Variants in TTC27 observed in about 807,000 individuals in gnomAD.
TTC27 encodes tetratricopeptide repeat domain 27.
Under a neutral mutation model 115.9 loss-of-function variants are expected in TTC27, and 79 were observed. The ratio of observed to expected loss-of-function variants is 0.68; its 90% CI spans 0.57 to 0.82. The LOEUF (loss-of-function observed/expected upper bound fraction) is 0.82. TTC27 is among the 40% of genes least tolerant of loss of function. The probability of loss-of-function intolerance (pLI) is 0.00; values close to 1 mark genes in which losing one functional copy is unlikely to be tolerated. For missense variants in TTC27, 1,054 were observed against 993.1 expected (o/e 1.06, Z -0.82); for synonymous variants, 401 against 356.0 (o/e 1.13, Z -1.42).
At chr2:32,811,331 G>C in intron 17 of TTC27, 110 bp downstream of exon 17, 2 of 1,029,476 alleles carry the variant, frequency 1.9e-6, no homozygotes, top group South Asian at 1.6e-5. Context: ...GATAAGATTA[G>C]TATGCTTAAG....
intron 8 of TTC27, among the ~76,000 whole-genome samples, chr2:32,676,190 A>T (rs1438270365): frequency 6.6e-6 from 1 of 151,782 alleles, no homozygotes; most frequent in African/African-American, 2.4e-5. Context: ...CTCCTGCTTG[A>T]GTTGGATTTT....
chr2:32,774,223 C>G (rs897643540), intron 13 of TTC27, among the ~76,000 whole-genome samples: 38 of 149,896 alleles, frequency 2.5e-4, no homozygotes, highest in African/African-American at 9.1e-4. Flanking sequence ...ATTTTTTAGC[C>G]CAGGCCAGAG....
intron 15 of TTC27, among the ~76,000 whole-genome samples, chr2:32,785,133 T>C (rs927713372): frequency 6.6e-6 from 1 of 152,206 alleles, no homozygotes; most frequent in Non-Finnish European, 1.5e-5. Context: ...CTGACAGTTA[T>C]TTTCACTCAG....
At chr2:32,658,013 G>A (rs951309721) in intron 5 of TTC27, among the ~76,000 whole-genome samples, 3 of 152,198 alleles carry the variant, frequency 2.0e-5, no homozygotes, top group African/African-American at 7.2e-5. Context: ...ATTTTTGGTA[G>A]AGACAGGGTT....
At chr2:32,798,827 G>A (rs1670819529) in intron 16 of TTC27, among the ~76,000 whole-genome samples, 1 of 152,136 alleles carries the variant, frequency 6.6e-6, no homozygotes, top group Non-Finnish European at 1.5e-5. Context: ...AAACAGTATG[G>A]TAGTTCCTTT....
At chr2:32,642,449 C>T (rs991496543) in intron 4 of TTC27, among the ~76,000 whole-genome samples, 3 of 151,612 alleles carry the variant, frequency 2.0e-5, no homozygotes, top group African/African-American at 4.8e-5. Context: ...GACATGGTTT[C>T]GCCATGTTGG....
At chr2:32,706,263 A>C (rs1333693401) in intron 10 of TTC27, among the ~76,000 whole-genome samples, 2 of 150,262 alleles carry the variant, frequency 1.3e-5, no homozygotes, top group Non-Finnish European at 3.0e-5. Context: ...TTGTATTTTT[A>C]GTAGAGACGG....
chr2:32,758,498 G>T lies in TTC27; in HGVS notation c.1659G>T (p.Ser553=), dbSNP rs34231491. 2 of 1,613,966 alleles carry T rather than the reference G, an allele frequency of 1.2e-6. No homozygotes were observed. Among genetic ancestry groups the T allele is most frequent in the Non-Finnish European group, 1.7e-6 (2 of 1,180,038 alleles). ...FQECVECFER[S]VKINPMQLGV... is the part of the protein sequence containing the mutation. Reference sequence around the variant, plus strand: ...AGTGTGTAGAGTGCTTCGAACGCTCGGTTAAGATTAATCCCATGCAGGTTA... The same window carrying T: ...AGTGTGTAGAGTGCTTCGAACGCTCTGTTAAGATTAATCCCATGCAGGTTA... Residue 553 remains serine (S), a synonymous_variant, in exon 13 of 20, where the codon TCG becomes TCT. Transcript: ENST00000317907.
intron 9 of TTC27, among the ~76,000 whole-genome samples, chr2:32,690,572 G>C (rs1483681501): frequency 6.6e-6 from 1 of 152,196 alleles, no homozygotes; most frequent in Non-Finnish European, 1.5e-5. Context: ...GTTGGAACTT[G>C]AACAACAGAT....
intron 12 of TTC27, among the ~76,000 whole-genome samples, chr2:32,747,243 G>C (rs917670481): frequency 6.6e-6 from 1 of 152,114 alleles, no homozygotes; most frequent in African/African-American, 2.4e-5. Context: ...AGATTTTCCT[G>C]ATTATGATTT....
chr2:32,740,907 A>G (rs968322836), intron 12 of TTC27, among the ~76,000 whole-genome samples: 4 of 152,090 alleles, frequency 2.6e-5, no homozygotes, highest in Non-Finnish European at 5.9e-5. Context: ...CGCCTGCCTC[A>G]GCCTCCCAAA....
chr2:32,787,530 C>CATTT (rs1572613688), intron 16 of TTC27, among the ~76,000 whole-genome samples: 1 of 152,178 alleles, frequency 6.6e-6, no homozygotes. Flanking sequence ...ATTTAACAAG[C>CATTT]ATTTACTGCA....
intron 4 of TTC27, among the ~76,000 whole-genome samples, chr2:32,644,895 ATGT>A (rs1664795901): frequency 1.8e-5 from 1 of 55,094 alleles, no homozygotes; most frequent in Non-Finnish European, 3.3e-5. Context: ...TTTTTTGGAG[ATGT>A]TGTCTTGCTG....
intron 5 of TTC27, among the ~76,000 whole-genome samples, chr2:32,663,166 C>G (rs1003110316): frequency 2.6e-5 from 4 of 152,146 alleles, no homozygotes; most frequent in Admixed American, 6.5e-5. Flanking sequence ...GCTTCAGGCC[C>G]CTTTCCAGGG....
At chr2:32,808,494 A>C (rs1389585730) in intron 16 of TTC27, among the ~76,000 whole-genome samples, 4 of 152,148 alleles carry the variant, frequency 2.6e-5, no homozygotes, top group Non-Finnish European at 5.9e-5. Flanking sequence ...AACTGGGCAG[A>C]GGCATTCAGT....
chr2:32,736,578 A>G, intron 11 of TTC27, 116 bp from the exon 12 acceptor site: 1 of 1,081,102 alleles, frequency 9.2e-7, no homozygotes, highest in Non-Finnish European at 1.3e-6. Context: ...TGTAGAATTT[A>G]TACATTTATT....
At position 32,692,672 on chromosome 2, in the gene TTC27, TCTCTATA is replaced by T. The variant is rs1261103887; in HGVS notation, c.1120-10132_1120-10126del. ...TAAACCTATCAAAAGATTTATGAGA[TCTCTATA>T]CTAAAAATCTGGTGGGGCACGGTGG... is the stretch of plus-strand genomic sequence containing the variant. On this transcript the variant is annotated intron_variant, in intron 9 of 19. Transcript: ENST00000317907. 6.6e-5 allele frequency among the ~76,000 whole-genome samples: 10 copies of T among 152,166 alleles called. No individual in the cohort carries two copies. In the East Asian group the frequency reaches 1.7e-3, roughly 26 times the overall value.
chr2:32,679,556 G>A (rs1177292828), intron 9 of TTC27, among the ~76,000 whole-genome samples: 1 of 152,176 alleles, frequency 6.6e-6, no homozygotes, highest in Non-Finnish European at 1.5e-5. Context: ...GTTCTTTAAT[G>A]AATACAAGTT....
chr2:32,750,737 A>C (rs1309238183), intron 12 of TTC27, among the ~76,000 whole-genome samples: 4 of 152,358 alleles, frequency 2.6e-5, no homozygotes, highest in African/African-American at 9.6e-5. Flanking sequence ...TAAATATTTA[A>C]TTTAACAAAC....
Sources: allele counts gnomAD v4.1 joint callset (sites outside exome capture counted in the v4.1 genomes callset), GRCh38; gene constraint gnomAD v4.1.1; transcripts MANE v1.5; gene names NCBI Gene and HGNC (gene_info 2026-07-23, HGNC 2026-07-21).